ARHGEF33: variants seen among roughly 807,000 people sequenced by gnomAD.
ARHGEF33 encodes Rho guanine nucleotide exchange factor 33, also known as DH and coiled-coil domain-containing protein ENSP00000381780.
In ARHGEF33, 72 loss-of-function variants were observed where a neutral mutation model predicts 101.9. That is an observed-to-expected ratio of 0.71 (90% CI 0.58 to 0.86). ARHGEF33 has a LOEUF of 0.86. Among genes scored for constraint, ARHGEF33 ranks in the 40% least tolerant of loss-of-function variants. The pLI, the probability that ARHGEF33 is intolerant of heterozygous loss-of-function variation, is 0.00. For synonymous variants in ARHGEF33, 499 were observed against 442.5 expected, an observed-to-expected ratio of 1.13 and a Z score of -1.60; for missense variants, 1,169 against 1,111.3, an observed-to-expected ratio of 1.05 and a Z score of -0.74.
intron 9 of ARHGEF33, 91 bp downstream of exon 9, chr2:38,937,650 A>G: frequency 1.3e-6 from 1 of 797,090 alleles, no homozygotes; most frequent in Non-Finnish European, 2.0e-6. Flanking sequence ...TGCCGTTTAG[A>G]TTCAGTGGAC....
intron 4 of ARHGEF33, among the ~76,000 whole-genome samples, chr2:38,927,799 T>TTATC (rs1666907326): frequency 6.6e-6 from 1 of 152,226 alleles, no homozygotes; most frequent in South Asian, 2.1e-4. Flanking sequence ...TTCCTCCACT[T>TTATC]GATAGAGTGT....
intron 16 of ARHGEF33, among the ~76,000 whole-genome samples, chr2:38,962,845 T>G (rs1366010344): frequency 2.9e-5 from 1 of 34,826 alleles, no homozygotes; most frequent in African/African-American, 1.2e-4. Context: ...AAACCCCGTC[T>G]CTACAAAAAA....
chr2:38,927,557 G>A (rs964096451), intron 4 of ARHGEF33, among the ~76,000 whole-genome samples: 1 of 152,172 alleles, frequency 6.6e-6, no homozygotes, highest in African/African-American at 2.4e-5. Flanking sequence ...TTAGCTGGAT[G>A]TGGTGGCGCA....
intron 9 of ARHGEF33, among the ~76,000 whole-genome samples, chr2:38,941,111 G>C (rs1053976126): frequency 6.6e-6 from 1 of 152,196 alleles, no homozygotes; most frequent in African/African-American, 2.4e-5. Flanking sequence ...ATTTAACTAT[G>C]CCTACATCTT....
At chr2:38,941,132 A>G (rs1348937179) in intron 9 of ARHGEF33, among the ~76,000 whole-genome samples, 1 of 152,140 alleles carries the variant, frequency 6.6e-6, no homozygotes, top group African/African-American at 2.4e-5. Flanking sequence ...AGTGTAATTC[A>G]TAATATGAAT....
intron 17 of ARHGEF33, chr2:38,969,524 GC>G (rs1264713151): frequency 1.2e-5 from 2 of 169,272 alleles, no homozygotes; most frequent in Non-Finnish European, 2.9e-5. Context: ...GGCTGGGAGG[GC>G]CGAAGGCTCA....
chr2:38,949,366 C>T (rs1012050954), intron 10 of ARHGEF33, among the ~76,000 whole-genome samples: 2 of 152,144 alleles, frequency 1.3e-5, no homozygotes, highest in African/African-American at 4.8e-5. Flanking sequence ...GAGCTCCAAT[C>T]CTTGCTGTAA....
chr2:38,910,942 G>A (rs1407616537), intron 2 of ARHGEF33, among the ~76,000 whole-genome samples: 5 of 152,222 alleles, frequency 3.3e-5, no homozygotes, highest in African/African-American at 7.2e-5. Context: ...TACTTGAAGC[G>A]ACTTCCAGTG....
At chr2:38,944,098 C>T (rs1163180432) in intron 10 of ARHGEF33, 68 bp downstream of exon 10, 1 of 1,469,420 alleles carries the variant, frequency 6.8e-7, no homozygotes, top group African/African-American at 1.4e-5. Flanking sequence ...TTTATTGTTT[C>T]CACTTTGGGA....
chr2:38,891,163 A>C (rs774265218), intron 1 of ARHGEF33, among the ~76,000 whole-genome samples: 1 of 151,840 alleles, frequency 6.6e-6, no homozygotes. Context: ...TGAACTCCTG[A>C]TCTCAAGCAG....
chr2:38,904,220 G>A (rs1378853438), intron 2 of ARHGEF33, among the ~76,000 whole-genome samples: 1 of 152,214 alleles, frequency 6.6e-6, no homozygotes, highest in Non-Finnish European at 1.5e-5. Context: ...TGGAGAATGA[G>A]TAAGGATTTG....
At chr2:38,935,259 C>T (rs1667102931) in intron 7 of ARHGEF33, among the ~76,000 whole-genome samples, 1 of 151,728 alleles carries the variant, frequency 6.6e-6, no homozygotes, top group African/African-American at 2.4e-5. Context: ...TAGCTCACTG[C>T]AGCCCCAACC....
chr2:38,939,519 C>T (rs1402372468), intron 9 of ARHGEF33, among the ~76,000 whole-genome samples: 1 of 152,214 alleles, frequency 6.6e-6, no homozygotes, highest in Non-Finnish European at 1.5e-5. Flanking sequence ...CAATGTTAGC[C>T]ATTCTCAGGG....
chr2:38,907,517 A>G (rs1666418460), intron 2 of ARHGEF33, among the ~76,000 whole-genome samples: 2 of 152,182 alleles, frequency 1.3e-5, no homozygotes. Flanking sequence ...GATCCGTTTT[A>G]CAATGTACTA....
intron 2 of ARHGEF33, among the ~76,000 whole-genome samples, chr2:38,898,737 A>G (rs1666175810): frequency 6.6e-6 from 1 of 152,224 alleles, no homozygotes; most frequent in Non-Finnish European, 1.5e-5. Context: ...AGTCTCAAGG[A>G]TATTTCACTT....
At chr2:38,917,902 G>A (rs1666671292) in intron 2 of ARHGEF33, among the ~76,000 whole-genome samples, 1 of 151,442 alleles carries the variant, frequency 6.6e-6, no homozygotes, top group African/African-American at 2.4e-5. Context: ...GGTAACTGTT[G>A]ATCTGCATTT....
intron 10 of ARHGEF33, among the ~76,000 whole-genome samples, chr2:38,950,723 T>A (rs971596031): frequency 2.9e-4 from 44 of 152,310 alleles, no homozygotes; most frequent in African/African-American, 1.1e-3. Flanking sequence ...GGATTACAGG[T>A]GTGGCATGCC....
rs1347357174 is a variant in ARHGEF33 at position 38,975,301 on chromosome 2, G to T, written c.*1458G>T. On this transcript the variant is annotated 3_prime_UTR_variant, in exon 18 of 18. Coordinates refer to ENST00000409978, the MANE Select transcript of ARHGEF33 (RefSeq NM_001145451.5). ...GATCTAAGTTTAAGCCAAGATTTTT[G>T]TTTCCCAGAAGTTTATGAATTCATT... 6.6e-6 allele frequency: 1 copy of T among 152,136 alleles called. No homozygotes were observed. The highest frequency in any genetic ancestry group is 1.5e-5 in the Non-Finnish European group (1 of 68,000). The allele number at this position is 152,136 out of a possible 1,614,324, so 9.4% of individuals were successfully genotyped here. A position where few individuals can be genotyped will look rare whatever the true frequency, so the allele number is the denominator to read the frequency against.
chr2:38,932,733 A>C lies in ARHGEF33; in HGVS notation c.505+1482A>C, dbSNP rs773674501. Among the ~76,000 whole-genome samples, 8 of 152,240 alleles carry C rather than the reference A, an allele frequency of 5.3e-5. No individual in the cohort carries two copies. The East Asian group carries it at 9.6e-4, about 18-fold the overall frequency. ...AAGTAAATTTGTGCATGTTTAGACAATGTGTAACAGCCCCCAGGGACTTAA... is the reference window on the plus strand; with the variant it reads ...AAGTAAATTTGTGCATGTTTAGACACTGTGTAACAGCCCCCAGGGACTTAA... On this transcript the variant is annotated intron_variant, in intron 7 of 17. Transcript: ENST00000409978.
Sources: allele counts gnomAD v4.1 joint callset (sites outside exome capture counted in the v4.1 genomes callset), GRCh38; gene constraint gnomAD v4.1.1; transcripts MANE v1.5; gene names NCBI Gene and HGNC (gene_info 2026-07-23, HGNC 2026-07-21).